Variants in CNMD observed in about 807,000 individuals in gnomAD.
The protein encoded by CNMD is chondromodulin.
CNMD carries 30 observed loss-of-function variants against 37.5 expected under a neutral mutation model. That is an observed-to-expected ratio of 0.80 (90% confidence interval 0.60 to 1.09). The LOEUF is 1.09. Ranked by LOEUF, CNMD falls within the 50% of genes least tolerant of loss-of-function variation. CNMD has a pLI of 0.00. For missense variants in CNMD, 398 were observed against 423.9 expected (o/e 0.94, Z 0.54); for synonymous variants, 167 against 148.2 (o/e 1.13, Z -0.92).
intron 3 of CNMD, among the ~76,000 whole-genome samples, chr13:52,725,325 T>C (rs1964553838): frequency 1.3e-5 from 2 of 152,240 alleles, no homozygotes; most frequent in Admixed American, 6.5e-5. Flanking sequence ...ATTAATTCTG[T>C]GAATTCAGAA....
Position 52,712,730 on chromosome 13 carries a change from G to C in CNMD, c.608C>G (p.Pro203Arg). Residue 203 changes from proline (P) to arginine (R), a missense_variant, in exon 5 of 7, where the codon CCA becomes CGA. Physicochemically the swap from Pro to Arg is moderately radical, Grantham distance 103. Transcript: ENST00000377962. ...TAAAATGTTACCTTTTGGATAGGTT[G>C]GTTTAAGCCAGAAAATAGGAAGGTC... ...CGDLPIFWLK[P>R]TYPKEIQRER... The C allele has an allele frequency of 6.6e-7, 1 of 1,520,790 alleles. No homozygotes were observed. Among genetic ancestry groups the C allele is most frequent in the Non-Finnish European group, 8.8e-7 (1 of 1,134,686 alleles). 94.2% of individuals were successfully genotyped at this position (1,520,790 alleles called of 1,614,324 possible).
chr13:52,713,002 G>A, intron 4 of CNMD, 133 bp from the exon 5 acceptor site: 2 of 579,688 alleles, frequency 3.5e-6, no homozygotes, highest in Non-Finnish European at 2.8e-6. Context: ...GTGTACATGT[G>A]TGCACTTTAA....
intron 6 of CNMD, 59 bp downstream of exon 6, chr13:52,708,477 G>A (rs201107706): frequency 1.1e-5 from 17 of 1,495,438 alleles, no homozygotes; most frequent in South Asian, 5.1e-5. Flanking sequence ...CACCACGCCC[G>A]GCCTTGGCAC....
At chr13:52,715,154 T>C (rs1286405775) in intron 4 of CNMD, among the ~76,000 whole-genome samples, 5 of 152,182 alleles carry the variant, frequency 3.3e-5, no homozygotes, top group Non-Finnish European at 7.3e-5. Flanking sequence ...AGTTATACTG[T>C]TAGTTTTTTT....
intron 3 of CNMD, among the ~76,000 whole-genome samples, chr13:52,730,274 C>A (rs9526994): frequency 0.043 from 6,571 of 151,918 alleles, 158 homozygotes; most frequent in South Asian, 0.063. Flanking sequence ...ATAGTGCTGC[C>A]ATAAACATAC....
In CNMD at chr13:52,739,478, G is replaced by C. The variant is rs954676160; in HGVS notation, c.72+152C>G. 4.0e-6 allele frequency: 3 copies of C among 742,618 alleles called. No homozygotes were observed. Among genetic ancestry groups the C allele is most frequent in the Non-Finnish European group, 6.9e-6 (3 of 433,846 alleles). The allele number at this position is 742,618 out of a possible 1,614,324, so 46.0% of individuals were successfully genotyped here. ...TGCCGTGACCCCTGCACACTCATACGCGTGGGGCGACATCCCACCCACACA... is the reference window on the plus strand; with the variant it reads ...TGCCGTGACCCCTGCACACTCATACCCGTGGGGCGACATCCCACCCACACA... On this transcript the variant is annotated intron_variant, in intron 1 of 6. Transcript: ENST00000377962. This position sits in a 1 kb window ranked among gnomAD's most constrained non-coding sequence, Gnocchi z 5.4.
intron 5 of CNMD, among the ~76,000 whole-genome samples, chr13:52,709,028 T>A (rs1204311290): frequency 2.0e-5 from 3 of 152,208 alleles, no homozygotes; most frequent in African/African-American, 7.2e-5. Context: ...CACCATTCAT[T>A]TCCCCAGCTT....
intron 6 of CNMD, among the ~76,000 whole-genome samples, chr13:52,706,334 G>A (rs1179178059): frequency 2.0e-5 from 3 of 152,180 alleles, no homozygotes; most frequent in Admixed American, 2.0e-4. Flanking sequence ...CGATGCAGCA[G>A]ACTCATGCTT....
chr13:52,703,761 C>G lies in CNMD; in HGVS notation c.839G>C (p.Gly280Ala), dbSNP rs765293200. The change falls in exon 7 of 7, where the codon GGA (glycine) becomes GCA (alanine). Residue 280 changes from glycine to alanine, a missense_variant. By Grantham distance (60) the Gly-to-Ala change is moderately conservative. Coordinates refer to ENST00000377962, the MANE Select transcript of CNMD (RefSeq NM_007015.3). ...CCGCCTACATTCTATACAACAGATT[C>G]CTTCGTGATCCAGTCTAGGGTCGAA... ...MTFDPRLDHE[G>A]ICCIECRRSY... The G allele has an allele frequency of 1.9e-6, 3 of 1,614,046 alleles. No individual in the cohort carries two copies. Among genetic ancestry groups the G allele is most frequent in the Non-Finnish European group, 2.5e-6 (3 of 1,179,896 alleles).
intron 6 of CNMD, among the ~76,000 whole-genome samples, chr13:52,706,166 T>C (rs987908637): frequency 6.6e-6 from 1 of 152,160 alleles, no homozygotes; most frequent in African/African-American, 2.4e-5. Flanking sequence ...ACAAGCAAGA[T>C]AAACAACCAG....
chr13:52,723,599 TA>T (rs1566226707), intron 4 of CNMD, among the ~76,000 whole-genome samples: 1 of 152,220 alleles, frequency 6.6e-6, no homozygotes, highest in Non-Finnish European at 1.5e-5. Context: ...ATTTACCATC[TA>T]GTCATGAACC....
intron 5 of CNMD, among the ~76,000 whole-genome samples, chr13:52,711,847 T>G (rs1392172763): frequency 9.3e-6 from 1 of 107,174 alleles, no homozygotes; most frequent in African/African-American, 3.5e-5. Flanking sequence ...AAAATGAAAC[T>G]GTACCTATTA....
rs185129112 is a variant in CNMD at position 52,731,601 on chromosome 13, C to A, written c.354+1618G>T. Reference sequence around the variant, plus strand: ...TTGGTCTATGAGAACAAAACACAATCGATACCATTATTAGAAAAGAACCAA... The same window carrying A: ...TTGGTCTATGAGAACAAAACACAATAGATACCATTATTAGAAAAGAACCAA... On this transcript the variant is annotated intron_variant, in intron 3 of 6. Transcript: ENST00000377962. Among the ~76,000 whole-genome samples the A allele has an allele frequency of 2.0e-5, 3 of 152,114 alleles. No individual in the cohort carries two copies. In the East Asian group the frequency reaches 5.8e-4, roughly 29 times the overall value.
intron 2 of CNMD, 93 bp downstream of exon 2, chr13:52,738,938 C>T: frequency 8.1e-7 from 1 of 1,234,848 alleles, no homozygotes; most frequent in Non-Finnish European, 1.0e-6. Context: ...GGCCCGCCGG[C>T]AGCCGCGCGC....
At chr13:52,731,601 C>T (rs185129112) in intron 3 of CNMD, among the ~76,000 whole-genome samples, 6 of 152,114 alleles carry the variant, frequency 3.9e-5, no homozygotes, top group South Asian at 2.1e-4. Context: ...AAAACACAAT[C>T]GATACCATTA....
At chr13:52,710,470 C>A (rs1053277306) in intron 5 of CNMD, among the ~76,000 whole-genome samples, 1 of 152,218 alleles carries the variant, frequency 6.6e-6, no homozygotes, top group Non-Finnish European at 1.5e-5. Context: ...TCCCCTCTGA[C>A]CTGTGTCCAG....
At chr13:52,725,155 C>T (rs1432307018) in intron 3 of CNMD, among the ~76,000 whole-genome samples, 1 of 152,210 alleles carries the variant, frequency 6.6e-6, no homozygotes, top group Non-Finnish European at 1.5e-5. Flanking sequence ...CTTTCCTCTG[C>T]TTTCCCATAA....
chr13:52,735,140 C>G (rs1205944640), intron 2 of CNMD, among the ~76,000 whole-genome samples: 1 of 152,246 alleles, frequency 6.6e-6, no homozygotes, highest in Non-Finnish European at 1.5e-5. Context: ...GCCCACCAGT[C>G]TCTTTTCCCC....
At chr13:52,733,531 G>T in intron 2 of CNMD, 172 bp from the exon 3 acceptor site, 1 of 716,968 alleles carries the variant, frequency 1.4e-6, no homozygotes, top group Non-Finnish European at 2.5e-6. Flanking sequence ...ATCAGTTAAT[G>T]CAATGATTTC....
Sources: gnomAD v4.1 joint callset for allele counts (sites outside exome capture counted in the v4.1 genomes callset) on GRCh38, gnomAD v4.1.1 for gene constraint, Gnocchi (gnomAD v3.1) non-coding constraint, MANE v1.5 for transcripts, NCBI Gene and HGNC (gene_info 2026-07-23, HGNC 2026-07-21) for gene names.